LTBP1: variants seen among roughly 807,000 people sequenced by gnomAD.
LTBP1 encodes latent-transforming growth factor beta-binding protein 1.
In LTBP1, 129 loss-of-function variants were observed where a neutral mutation model predicts 207.6. The observed-to-expected ratio is 0.62, with a 90% confidence interval of 0.54 to 0.72. The LOEUF is 0.72. Among genes scored for constraint, LTBP1 ranks in the 30% least tolerant of loss-of-function variants. The pLI is 0.00. For missense variants in LTBP1, 2,281 were observed against 2,217.2 expected (o/e 1.03, Z -0.58); for synonymous variants, 963 against 833.7 (o/e 1.16, Z -2.67).
chr2:33,372,721 AG>A (rs1374523454), intron 31 of LTBP1, among the ~76,000 whole-genome samples: 1 of 152,164 alleles, frequency 6.6e-6, no homozygotes, highest in African/African-American at 2.4e-5. Flanking sequence ...TAAATTAGCC[AG>A]GCATGGTGGC....
chr2:32,949,383 A>G (rs758194814), intron 2 of LTBP1, among the ~76,000 whole-genome samples: 1 of 152,224 alleles, frequency 6.6e-6, no homozygotes, highest in Non-Finnish European at 1.5e-5. Flanking sequence ...CAAAGTTTTT[A>G]TAGCTTCCTG....
chr2:32,968,829 T>C (rs1473256137), intron 2 of LTBP1, among the ~76,000 whole-genome samples: 1 of 150,684 alleles, frequency 6.6e-6, no homozygotes, highest in East Asian at 1.9e-4. Context: ...GCTGAAGTGA[T>C]CCTCCCAACT....
In LTBP1 at chr2:33,027,130, T is replaced by G. The variant is rs368325206; in HGVS notation, c.863+5924T>G. 1.2e-4 allele frequency among the ~76,000 whole-genome samples: 18 copies of G among 152,360 alleles called. No homozygotes were observed. The East Asian group carries it at 2.1e-3, about 18-fold the overall frequency. On this transcript the variant is annotated intron_variant, in intron 3 of 33. Transcript: ENST00000404816. ...TACCACCAATGCTTACCACATCATG[T>G]GAGTGTACCACAATTCATTATTTAT...
chr2:33,258,151 A>G (rs377702005), intron 12 of LTBP1, among the ~76,000 whole-genome samples: 1 of 152,206 alleles, frequency 6.6e-6, no homozygotes, highest in Non-Finnish European at 1.5e-5. Context: ...TCTAGAGACA[A>G]TGGACTTTGA....
chr2:33,260,491 T>C (rs2092979712), intron 13 of LTBP1, among the ~76,000 whole-genome samples: 1 of 152,208 alleles, frequency 6.6e-6, no homozygotes, highest in East Asian at 1.9e-4. Flanking sequence ...TATTAGAATT[T>C]AGATGAGGCA....
intron 4 of LTBP1, among the ~76,000 whole-genome samples, chr2:33,124,235 C>T (rs1027466797): frequency 6.6e-6 from 1 of 151,988 alleles, no homozygotes; most frequent in African/African-American, 2.4e-5. Flanking sequence ...ATGGTGAAAC[C>T]CCCGTCTCTA....
At chr2:33,098,002 T>G (rs1437627773) in intron 3 of LTBP1, among the ~76,000 whole-genome samples, 1 of 152,170 alleles carries the variant, frequency 6.6e-6, no homozygotes, top group Admixed American at 6.5e-5. Flanking sequence ...AGTACATCAG[T>G]TTTTGATTTA....
chr2:33,181,084 T>C (rs1217285431), intron 5 of LTBP1, among the ~76,000 whole-genome samples: 1 of 152,172 alleles, frequency 6.6e-6, no homozygotes, highest in African/African-American at 2.4e-5. Flanking sequence ...TAACTTGAAA[T>C]GGTCTGTCTG....
chr2:33,361,510 A>T lies in LTBP1; in HGVS notation c.4265A>T (p.Tyr1422Phe). 1.2e-6 allele frequency: 2 copies of T among 1,612,226 alleles called. No individual in the cohort carries two copies. The highest frequency in any genetic ancestry group is 1.7e-6 in the Non-Finnish European group (2 of 1,178,808). Residue 1422 changes from tyrosine to phenylalanine, a missense_variant, in exon 28 of 34, where the codon TAT becomes TTT. This residue lies in a region of LTBP1 where 1,671 missense variants were observed against 1,634.8 expected (regional missense o/e 1.02). Coordinates refer to ENST00000404816, the MANE Select transcript of LTBP1 (RefSeq NM_206943.4). ...TCTTCTGAAGCTGGTGGTGAGAACT[A>T]TAAAGGTCAGAATCAAGTGGAAACA... is the stretch of plus-strand genomic sequence containing the variant. ...ESSSEAGGEN[Y>F]KDADECLLFG...
chr2:33,067,444 A>C (rs1443776495), intron 3 of LTBP1, among the ~76,000 whole-genome samples: 4 of 152,244 alleles, frequency 2.6e-5, no homozygotes, highest in African/African-American at 9.6e-5. Context: ...CTCTGTTTGC[A>C]TACCAGTTGT....
rs116759770 is a variant in LTBP1, at chr2:33,151,151, G to A, written c.1201+16191G>A. Among the ~76,000 whole-genome samples the A allele has an allele frequency of 5.4e-3, 816 of 152,202 alleles. 4 individuals carry two copies. The highest frequency in any genetic ancestry group is 0.031 in the Middle Eastern group (9 of 294). ...CCTTTTGTTTATGCATTCATCTGTC[G>A]ATGTATATATTTAGGTTGTTTCTAC... On this transcript the variant is annotated intron_variant, in intron 5 of 33. Transcript: ENST00000404816.
At chr2:33,219,987 G>A (rs11674782) in intron 8 of LTBP1, among the ~76,000 whole-genome samples, 3 of 152,018 alleles carry the variant, frequency 2.0e-5, no homozygotes, top group African/African-American at 2.4e-5. Context: ...ATCTTGATAA[G>A]GACTTAGTTG....
intron 1 of LTBP1, 69 bp downstream of exon 1, chr2:32,947,887 T>TCAGGGCCACTCGGAGCCCCGCGGTGGC (rs1228295516): frequency 2.1e-5 from 26 of 1,224,566 alleles, no homozygotes; most frequent in South Asian, 1.1e-4. Flanking sequence ...ACCTGCGGGG[T>TCAGGGCCACTCGGAGCCCCGCGGTGGC]CAGGGCCACT....
At chr2:33,115,007 A>G (rs928100067) in intron 4 of LTBP1, among the ~76,000 whole-genome samples, 2 of 151,236 alleles carry the variant, frequency 1.3e-5, no homozygotes, top group Non-Finnish European at 2.9e-5. Context: ...AATGTCCATC[A>G]ACTGATGAAG....
intron 3 of LTBP1, among the ~76,000 whole-genome samples, chr2:33,069,538 A>G (rs761122148): frequency 1.2e-4 from 19 of 152,284 alleles, no homozygotes; most frequent in South Asian, 4.1e-4. Context: ...GGGCAGGTCA[A>G]TGTTACCTGC....
intron 23 of LTBP1, 93 bp downstream of exon 23, chr2:33,309,649 T>C (rs1182692895): frequency 2.2e-6 from 3 of 1,393,054 alleles, no homozygotes; most frequent in Non-Finnish European, 2.9e-6. Context: ...TGCCATGTGA[T>C]TTATATGTAA....
chr2:33,286,432 T>C (rs1387813547), intron 19 of LTBP1, among the ~76,000 whole-genome samples: 1 of 152,248 alleles, frequency 6.6e-6, no homozygotes, highest in Non-Finnish European at 1.5e-5. Flanking sequence ...GTGTTAACTT[T>C]CATGGCTTAT....
At chr2:33,161,001 G>A (rs1218973960) in intron 5 of LTBP1, among the ~76,000 whole-genome samples, 1 of 152,038 alleles carries the variant, frequency 6.6e-6, no homozygotes, top group South Asian at 2.1e-4. Context: ...GAAGTTATTG[G>A]GACAATGTGT....
At chr2:32,997,325 C>G (rs967414638) in intron 2 of LTBP1, among the ~76,000 whole-genome samples, 2 of 152,002 alleles carry the variant, frequency 1.3e-5, no homozygotes, top group East Asian at 3.9e-4. Context: ...AGCTGGGCAA[C>G]AAAACAAGAT....
Sources: gnomAD v4.1 joint callset for allele counts (sites outside exome capture counted in the v4.1 genomes callset) on GRCh38, gnomAD v4.1.1 for gene constraint, gnomAD v4.1.1 regional missense constraint, MANE v1.5 for transcripts, NCBI Gene and HGNC (gene_info 2026-07-23, HGNC 2026-07-21) for gene names.